CTNNA3: variants seen among roughly 807,000 people sequenced by gnomAD.
CTNNA3 encodes catenin alpha 3.
A neutral mutation model predicts 95.7 loss-of-function variants in CTNNA3; 76 were observed. The observed-to-expected ratio is 0.79, with a 90% CI of 0.66 to 0.96. CTNNA3 has a LOEUF of 0.96. CTNNA3 is among the 40% of genes least tolerant of loss of function. The pLI, the probability that CTNNA3 is intolerant of heterozygous loss-of-function variation, is 0.00. For missense variants in CTNNA3, 1,191 were observed against 1,089.8 expected (o/e 1.09, Z -1.31); for synonymous variants, 431 against 374.4 (o/e 1.15, Z -1.74).
intron 9 of CTNNA3, among the ~76,000 whole-genome samples, chr10:66,712,169 G>T (rs977800169): frequency 3.3e-5 from 5 of 152,168 alleles, no homozygotes; most frequent in Non-Finnish European, 7.3e-5. Flanking sequence ...GAAAGGGAAG[G>T]ATGGTGCTAA....
At chr10:67,606,509 A>C (rs1235995209) in intron 3 of CTNNA3, among the ~76,000 whole-genome samples, 1 of 152,206 alleles carries the variant, frequency 6.6e-6, no homozygotes, top group Non-Finnish European at 1.5e-5. Flanking sequence ...TTCATAATTT[A>C]TTTATGTATA....
intron 9 of CTNNA3, among the ~76,000 whole-genome samples, chr10:66,652,400 T>A (rs553166654): frequency 1.4e-4 from 22 of 151,934 alleles, no homozygotes; most frequent in Non-Finnish European, 2.9e-4. Context: ...CTAGAAGAAA[T>A]GGGTAAATTT....
intron 5 of CTNNA3, among the ~76,000 whole-genome samples, chr10:67,277,932 A>G (rs1397997091): frequency 6.6e-6 from 1 of 152,166 alleles, no homozygotes; most frequent in African/African-American, 2.4e-5. Flanking sequence ...CATATAATCA[A>G]GAAATAACTA....
intron 5 of CTNNA3, among the ~76,000 whole-genome samples, chr10:67,392,521 A>G (rs1844541593): frequency 6.6e-6 from 1 of 152,196 alleles, no homozygotes; most frequent in Non-Finnish European, 1.5e-5. Context: ...ATCTAGAACT[A>G]CAAATACCAT....
At position 65,917,312 on chromosome 10, in the gene CTNNA3, C is replaced by A. The variant is rs1159438113; in HGVS notation, c.*3018G>T. ...AGTTTTTTCTTGACTCATTCAAGAA[C>A]TATCCAGAAACTGACTTAGAAACAT... is the stretch of plus-strand genomic sequence containing the variant. On this transcript the variant is annotated 3_prime_UTR_variant, in exon 18 of 18. Transcript: ENST00000433211. The A allele has an allele frequency of 1.3e-5, 2 of 152,092 alleles. No individual in the cohort carries two copies. The highest frequency in any genetic ancestry group is 2.9e-5 in the Non-Finnish European group (2 of 68,006). The allele number at this position is 152,092 out of a possible 1,614,324, so 9.4% of individuals were successfully genotyped here.
chr10:67,456,347 C>T (rs1847171876), intron 5 of CTNNA3, among the ~76,000 whole-genome samples: 1 of 152,152 alleles, frequency 6.6e-6, no homozygotes, highest in Non-Finnish European at 1.5e-5. Flanking sequence ...GTTAAATCCT[C>T]AACTGTTGTA....
chr10:67,344,318 T>C (rs986896774), intron 5 of CTNNA3, among the ~76,000 whole-genome samples: 2 of 152,182 alleles, frequency 1.3e-5, no homozygotes, highest in South Asian at 4.1e-4. Flanking sequence ...TTTTTTCTGA[T>C]GTGTCTTTGT....
At chr10:66,272,462 G>A (rs1000081264) in intron 13 of CTNNA3, among the ~76,000 whole-genome samples, 1 of 152,124 alleles carries the variant, frequency 6.6e-6, no homozygotes, top group Non-Finnish European at 1.5e-5. Context: ...ATAGCCGTTA[G>A]GACTATGGAG....
intron 7 of CTNNA3, among the ~76,000 whole-genome samples, chr10:67,017,950 T>A (rs1852764057): frequency 6.6e-6 from 1 of 151,976 alleles, no homozygotes; most frequent in Admixed American, 6.6e-5. Context: ...TTGTATTTTT[T>A]AAGTTGAGAT....
intron 4 of CTNNA3, among the ~76,000 whole-genome samples, chr10:67,525,718 C>A (rs550903835): frequency 2.6e-5 from 4 of 152,226 alleles, no homozygotes; most frequent in African/African-American, 4.8e-5. Flanking sequence ...TCACTGCCAA[C>A]GCCCTGGCTT....
intron 5 of CTNNA3, among the ~76,000 whole-genome samples, chr10:67,318,836 A>G (rs138359237): frequency 2.6e-5 from 4 of 152,296 alleles, no homozygotes; most frequent in African/African-American, 9.6e-5. Flanking sequence ...ATTTTCCCCA[A>G]TGCACTTGTC....
intron 9 of CTNNA3, among the ~76,000 whole-genome samples, chr10:66,653,880 T>A (rs1845990981): frequency 6.6e-6 from 1 of 152,056 alleles, no homozygotes; most frequent in South Asian, 2.1e-4. Flanking sequence ...ATAAATTTTG[T>A]TGGGGAAAAT....
At chr10:67,752,833 A>C (rs2131749951) in intron 1 of CTNNA3, among the ~76,000 whole-genome samples, 1 of 152,350 alleles carries the variant, frequency 6.6e-6, no homozygotes, top group East Asian at 1.9e-4. Flanking sequence ...GACACAAACA[A>C]ATGGAAAAAC....
At chr10:66,559,637 C>A (rs947517345) in intron 10 of CTNNA3, among the ~76,000 whole-genome samples, 1 of 151,822 alleles carries the variant, frequency 6.6e-6, no homozygotes, top group Admixed American at 6.6e-5. Context: ...CACCATGCAC[C>A]CCCCGCTCGG....
chr10:66,310,402 T>A (rs1173636795), intron 12 of CTNNA3, among the ~76,000 whole-genome samples: 1 of 152,170 alleles, frequency 6.6e-6, no homozygotes, highest in African/African-American at 2.4e-5. Context: ...TTTAGTTCAG[T>A]ACCCCACGAT....
chr10:66,564,416 T>A (rs1252064803), intron 10 of CTNNA3, among the ~76,000 whole-genome samples: 1 of 152,168 alleles, frequency 6.6e-6, no homozygotes, highest in African/African-American at 2.4e-5. Flanking sequence ...CTTCCCTGTT[T>A]ACCTCATGGG....
chr10:66,388,558 G>A (rs1215789873), intron 11 of CTNNA3, among the ~76,000 whole-genome samples: 1 of 151,986 alleles, frequency 6.6e-6, no homozygotes. Context: ...TGTGATTACT[G>A]CTCACAATTA....
chr10:65,969,401 T>C (rs2078048614), intron 16 of CTNNA3, among the ~76,000 whole-genome samples: 1 of 152,186 alleles, frequency 6.6e-6, no homozygotes, highest in Non-Finnish European at 1.5e-5. Flanking sequence ...CAACATACCA[T>C]ACTAGTTCTC....
chr10:67,007,000 T>C (rs1852031341), intron 7 of CTNNA3, among the ~76,000 whole-genome samples: 1 of 152,174 alleles, frequency 6.6e-6, no homozygotes, highest in African/African-American at 2.4e-5. Context: ...TTCACCATGT[T>C]GGCCAGGCTG....
Sources: gnomAD v4.1 joint callset for allele counts (sites outside exome capture counted in the v4.1 genomes callset) on GRCh38, gnomAD v4.1.1 for gene constraint, MANE v1.5 for transcripts, NCBI Gene and HGNC (gene_info 2026-07-23, HGNC 2026-07-21) for gene names.